The following PLBD1 variants were observed in gnomAD, a reference collection of about 807,000 sequenced individuals.
PLBD1 encodes the protein lysosomal leucine aminopeptidase.
A neutral mutation model predicts 63.0 loss-of-function variants in PLBD1; 60 were observed. The observed-to-expected ratio is 0.95, with a 90% CI of 0.77 to 1.18. PLBD1 has a LOEUF of 1.18. Among genes scored for constraint, PLBD1 ranks in the 50% most tolerant of loss-of-function variants. The pLI, the probability that PLBD1 is intolerant of heterozygous loss-of-function variation, is 0.00. For synonymous variants in PLBD1, 262 were observed against 248.0 expected, an observed-to-expected ratio of 1.06 and a Z score of -0.53; for missense variants, 598 against 677.9, an observed-to-expected ratio of 0.88 and a Z score of 1.31.
intron 1 of PLBD1, among the ~76,000 whole-genome samples, chr12:14,565,791 G>A (rs1945775827): frequency 6.6e-6 from 1 of 152,184 alleles, no homozygotes; most frequent in Admixed American, 6.5e-5. Flanking sequence ...TGCTGAAATA[G>A]TGTGGCATCA....
chr12:14,545,161 G>C (rs1295555739), intron 2 of PLBD1, among the ~76,000 whole-genome samples: 1 of 152,116 alleles, frequency 6.6e-6, no homozygotes, highest in Non-Finnish European at 1.5e-5. Context: ...TGAATGCTTT[G>C]GCTTTTGGTT....
chr12:14,507,997 C>G (rs1178500024), intron 8 of PLBD1, among the ~76,000 whole-genome samples: 1 of 152,168 alleles, frequency 6.6e-6, no homozygotes, highest in Non-Finnish European at 1.5e-5. Flanking sequence ...CTGCCTTTCT[C>G]CTTTGTATTG....
chr12:14,504,389 T>C (rs1945233512), intron 10 of PLBD1, among the ~76,000 whole-genome samples: 1 of 152,214 alleles, frequency 6.6e-6, no homozygotes, highest in Admixed American at 6.5e-5. Flanking sequence ...TTTTTCACAT[T>C]GTCTTTATAT....
At chr12:14,513,047 A>AT (rs1160019044) in intron 6 of PLBD1, among the ~76,000 whole-genome samples, 23 of 152,118 alleles carry the variant, frequency 1.5e-4, no homozygotes, top group Non-Finnish European at 2.9e-4. Flanking sequence ...TTCTACCATG[A>AT]TTTTTTACCA....
In PLBD1 at chr12:14,540,767, T is replaced by A; in HGVS notation, c.555A>T (p.Thr185=). 1 of 1,591,658 alleles carries A rather than the reference T, an allele frequency of 6.3e-7. No homozygotes were observed. The highest frequency in any genetic ancestry group is 8.6e-7 in the Non-Finnish European group (1 of 1,165,054). ...GAKKRAILEG[T]KPMTLFQIQF... The stretch of plus-strand genomic sequence containing the variant: ...AGAAGCTTGTTTAAAGTCCTACCTT[T>A]GTCCCTTCTAATATAGCCCTCTTCT... Residue 185 remains threonine, a synonymous_variant, in exon 4 of 11, where the codon ACA becomes ACT. Transcript: ENST00000240617.
intron 2 of PLBD1, among the ~76,000 whole-genome samples, chr12:14,546,317 CAAA>C (rs1330770189): frequency 1.1e-5 from 1 of 88,752 alleles, no homozygotes. Flanking sequence ...GATTCTGTCT[CAAA>C]AAAAAAAAAA....
chr12:14,511,829 T>C (rs1047332723), intron 6 of PLBD1, 118 bp from the exon 7 acceptor site: 3 of 987,470 alleles, frequency 3.0e-6, no homozygotes, highest in African/African-American at 3.2e-5. Context: ...GTTATTACTA[T>C]CCTTGATCTG....
At chr12:14,565,520 T>C (rs1226972766) in intron 1 of PLBD1, among the ~76,000 whole-genome samples, 5 of 151,074 alleles carry the variant, frequency 3.3e-5, no homozygotes, top group African/African-American at 4.9e-5. Flanking sequence ...TGTTTTTGGA[T>C]AGATAGATGC....
At position 14,511,302 on chromosome 12, in the gene PLBD1, T is replaced by C. The variant is rs367807814; in HGVS notation, c.1144A>G (p.Thr382Ala). The change falls in exon 8 of 11, where the codon ACA becomes GCA. Residue 382 changes from threonine (T) to alanine (A), a missense_variant. Coordinates refer to ENST00000240617, the MANE Select transcript of PLBD1 (RefSeq NM_024829.6). ...GTTTGTTCAGAATATTCTACATATG[T>C]AGGAATTTGCTCCACAATGTACAGA... ...GTLYIVEQIP[T>A]YVEYSEQTDV... 4.0e-5 allele frequency: 65 copies of C among 1,609,962 alleles called. No homozygotes were observed. Among genetic ancestry groups the C allele is most frequent in the African/African-American group, 3.2e-4 (24 of 74,882 alleles).
intron 6 of PLBD1, chr12:14,531,030 CTT>C (rs974933973): frequency 1.3e-5 from 2 of 152,054 alleles, no homozygotes; most frequent in African/African-American, 4.8e-5. Context: ...GTTTGTTTGT[CTT>C]TTTTAACAGG....
At chr12:14,526,055 T>C (rs927141389) in intron 6 of PLBD1, among the ~76,000 whole-genome samples, 3 of 151,794 alleles carry the variant, frequency 2.0e-5, no homozygotes, top group East Asian at 3.9e-4. Flanking sequence ...TTAAAATGTT[T>C]AACACAAAAA....
chr12:14,563,600 T>G (rs1945759603), intron 1 of PLBD1, among the ~76,000 whole-genome samples: 1 of 152,204 alleles, frequency 6.6e-6, no homozygotes, highest in Non-Finnish European at 1.5e-5. Context: ...ACATGATAAC[T>G]TTTTAGAGAA....
Position 14,536,614 on chromosome 12 carries a change from C to A in PLBD1, c.655G>T (p.Val219Phe). 2 of 1,614,198 alleles carry A rather than the reference C, an allele frequency of 1.2e-6. No individual in the cohort carries two copies. Among genetic ancestry groups the A allele is most frequent in the South Asian group, 1.1e-5 (1 of 91,080 alleles). Residue 219 changes from valine to phenylalanine, a missense_variant, in exon 5 of 11, where the codon GTT becomes TTT. Coordinates refer to ENST00000240617, the MANE Select transcript of PLBD1 (RefSeq NM_024829.6). Reference protein sequence around the residue: ...LSPTKNGSLKVFKRWDMGHCS... With the variant: ...LSPTKNGSLKFFKRWDMGHCS... Reference sequence around the variant, plus strand: ...TGTCCCATGTCCCATCTCTTAAAAACCTTTAGGCTGCCGTTTTTTGTGGGA... The same window carrying A: ...TGTCCCATGTCCCATCTCTTAAAAAACTTTAGGCTGCCGTTTTTTGTGGGA...
intron 4 of PLBD1, among the ~76,000 whole-genome samples, chr12:14,539,631 C>CA (rs1426103834): frequency 6.6e-6 from 1 of 151,378 alleles, no homozygotes; most frequent in African/African-American, 2.4e-5. Flanking sequence ...ACTAAAAATA[C>CA]AAAAATTAGT....
chr12:14,553,588 C>A, intron 1 of PLBD1, 176 bp from the exon 2 acceptor site: 1 of 630,978 alleles, frequency 1.6e-6, no homozygotes, highest in Non-Finnish European at 2.7e-6. Context: ...ACTGGAATCC[C>A]AATCAAGGGG....
At chr12:14,561,368 T>C (rs568392925) in intron 1 of PLBD1, among the ~76,000 whole-genome samples, 2 of 152,130 alleles carry the variant, frequency 1.3e-5, no homozygotes, top group South Asian at 4.1e-4. Context: ...CTTTGCCCCA[T>C]TCTGGTTCCA....
intron 2 of PLBD1, 47 bp downstream of exon 2, chr12:14,553,146 G>T (rs751812304): frequency 4.0e-6 from 6 of 1,494,514 alleles, no homozygotes; most frequent in Admixed American, 1.9e-5. Context: ...AACATGGGAA[G>T]GACAGGGGTT....
intron 4 of PLBD1, among the ~76,000 whole-genome samples, chr12:14,540,098 T>A (rs1945558446): frequency 5.1e-5 from 1 of 19,588 alleles, no homozygotes; most frequent in South Asian, 2.6e-3. Context: ...AGTTATATAA[T>A]ATAAATATTA....
intron 1 of PLBD1, among the ~76,000 whole-genome samples, chr12:14,563,241 T>C (rs1945755367): frequency 6.6e-6 from 1 of 152,096 alleles, no homozygotes; most frequent in Admixed American, 6.6e-5. Flanking sequence ...AAGTTGGGAC[T>C]GGGCACGATG....
Sources: gnomAD v4.1 joint callset for allele counts (sites outside exome capture counted in the v4.1 genomes callset) on GRCh38, gnomAD v4.1.1 for gene constraint, MANE v1.5 for transcripts, NCBI Gene and HGNC (gene_info 2026-07-23, HGNC 2026-07-21) for gene names.